FRMPD4: variants seen among roughly 807,000 people sequenced by gnomAD.
The protein encoded by FRMPD4 is FERM and PDZ domain-containing protein 4.
FRMPD4 carries 22 observed loss-of-function variants against 94.1 expected under a neutral mutation model. That is an observed-to-expected ratio of 0.23 (90% CI 0.17 to 0.33). FRMPD4 has a LOEUF of 0.33. Ranked by LOEUF, FRMPD4 falls within the 10% of genes least tolerant of loss-of-function variation. FRMPD4 has a pLI of 1.00. For missense variants in FRMPD4, 1,111 were observed against 1,339.9 expected, an observed-to-expected ratio of 0.83 and a Z score of 2.67; for synonymous variants, 631 against 548.6, an observed-to-expected ratio of 1.15 and a Z score of -2.10.
At chrX:11,910,605 G>A (rs754543099) in intron 3 of FRMPD4, among the ~76,000 whole-genome samples, 4 of 111,428 alleles carry the variant, frequency 3.6e-5, no homozygotes, top group Admixed American at 1.9e-4. Flanking sequence ...TAATAGGGAT[G>A]GGGTTTCACC....
At chrX:12,500,531 CT>C (rs1353075682) in intron 2 of FRMPD4, among the ~76,000 whole-genome samples, 3 of 110,814 alleles carry the variant, frequency 2.7e-5, no homozygotes, top group Non-Finnish European at 3.8e-5. Flanking sequence ...AGCACAGTTT[CT>C]TTCTGACGTA....
intron 3 of FRMPD4, among the ~76,000 whole-genome samples, chrX:11,916,372 A>C (rs5933929): frequency 0.38 from 41,653 of 109,787 alleles, 5,767 homozygotes; most frequent in East Asian, 0.69. Context: ...TGACCATATC[A>C]AAGATAACTA....
intron 1 of FRMPD4, among the ~76,000 whole-genome samples, chrX:12,464,185 G>A (rs2057425482): frequency 9.0e-6 from 1 of 111,576 alleles, no homozygotes; most frequent in Non-Finnish European, 1.9e-5. Context: ...TTTCCCAGGA[G>A]CCCACCTGGA....
intron 1 of FRMPD4, among the ~76,000 whole-genome samples, chrX:12,289,475 C>T (rs1345156181): frequency 8.9e-6 from 1 of 112,118 alleles, no homozygotes; most frequent in African/African-American, 3.2e-5. Flanking sequence ...TCAAGATGCA[C>T]AGATAGCTAG....
chrX:11,911,979 G>T (rs920611471), intron 3 of FRMPD4, among the ~76,000 whole-genome samples: 1 of 111,733 alleles, frequency 8.9e-6, no homozygotes, highest in African/African-American at 3.3e-5. Flanking sequence ...GGCTCTGTTT[G>T]TGGGTTTAAT....
intron 4 of FRMPD4, among the ~76,000 whole-genome samples, chrX:12,646,710 T>C (rs746970221): frequency 6.2e-5 from 7 of 112,394 alleles, no homozygotes; most frequent in Non-Finnish European, 1.1e-4. Flanking sequence ...GCAAACATTG[T>C]CTTCGAATTG....
At chrX:12,055,004 A>G (rs1323761604) in intron 3 of FRMPD4, 1 of 112,045 alleles carries the variant, frequency 8.9e-6, no homozygotes, top group Non-Finnish European at 1.9e-5. Flanking sequence ...GATGTTTCCA[A>G]TGATAAGTAT....
At chrX:12,176,812 T>TA (rs1369979671) in intron 1 of FRMPD4, among the ~76,000 whole-genome samples, 1 of 112,161 alleles carries the variant, frequency 8.9e-6, no homozygotes, top group Non-Finnish European at 1.9e-5. Context: ...AAGTCTAGTA[T>TA]TAGTGGAAAA....
intron 1 of FRMPD4, among the ~76,000 whole-genome samples, chrX:12,196,314 G>A (rs1228629271): frequency 8.9e-6 from 1 of 111,761 alleles, no homozygotes; most frequent in Non-Finnish European, 1.9e-5. Flanking sequence ...GATTGCTTCA[G>A]TCCCTACTGC....
chrX:12,543,839 A>G (rs924051323), intron 2 of FRMPD4, among the ~76,000 whole-genome samples: 1 of 109,430 alleles, frequency 9.1e-6, no homozygotes, highest in South Asian at 4.0e-4. Context: ...AACCAACCCA[A>G]ATGTCCAACA....
chrX:12,465,747 C>T (rs757669791), intron 1 of FRMPD4, among the ~76,000 whole-genome samples: 2 of 111,954 alleles, frequency 1.8e-5, no homozygotes, highest in African/African-American at 3.2e-5. Context: ...ATGCAGTGCC[C>T]AGAATGCATG....
At chrX:12,001,052 G>T (rs1228109304) in intron 3 of FRMPD4, among the ~76,000 whole-genome samples, 1 of 111,799 alleles carries the variant, frequency 8.9e-6, no homozygotes, top group Non-Finnish European at 1.9e-5. Flanking sequence ...TGCTGTTCTG[G>T]TCTCTATTGA....
chrX:12,222,179 A>C (rs1006779538), intron 1 of FRMPD4, among the ~76,000 whole-genome samples: 3 of 111,569 alleles, frequency 2.7e-5, no homozygotes, highest in African/African-American at 6.6e-5. Context: ...CAAAAAATAA[A>C]AAAGGAAAGA....
chrX:11,905,329 C>A (rs772831256), intron 3 of FRMPD4, among the ~76,000 whole-genome samples: 1 of 111,711 alleles, frequency 9.0e-6, no homozygotes, highest in Non-Finnish European at 1.9e-5. Context: ...AAACCTAAGA[C>A]AAAATGCTGA....
intron 4 of FRMPD4, among the ~76,000 whole-genome samples, chrX:12,654,348 G>A (rs139994359): frequency 1.8e-5 from 2 of 111,322 alleles, no homozygotes; most frequent in Non-Finnish European, 3.8e-5. Flanking sequence ...CTTATAGGTA[G>A]GTAGTGCTCA....
At chrX:12,330,916 G>A (rs977900559) in intron 1 of FRMPD4, among the ~76,000 whole-genome samples, 3 of 111,866 alleles carry the variant, frequency 2.7e-5, no homozygotes, top group African/African-American at 6.5e-5. Flanking sequence ...ATGGCTAGGA[G>A]CAGAACTAAT....
chrX:11,869,876 C>A (rs918674094), intron 2 of FRMPD4, among the ~76,000 whole-genome samples: 3 of 111,228 alleles, frequency 2.7e-5, no homozygotes, highest in African/African-American at 9.8e-5. Context: ...ATCATTTGAT[C>A]TGCAAAAATT....
At chrX:12,422,193 C>A (rs1300594715) in intron 1 of FRMPD4, among the ~76,000 whole-genome samples, 2 of 111,943 alleles carry the variant, frequency 1.8e-5, no homozygotes, top group African/African-American at 6.5e-5. Context: ...TGGTACATTT[C>A]CCTTGAAGGA....
intron 3 of FRMPD4, among the ~76,000 whole-genome samples, chrX:11,914,948 T>G (rs188419677): frequency 8.9e-6 from 1 of 112,248 alleles, no homozygotes; most frequent in African/African-American, 3.2e-5. Context: ...TAATGTAACT[T>G]CTTGATACAG....
Sources: allele counts gnomAD v4.1 joint callset (sites outside exome capture counted in the v4.1 genomes callset), GRCh38; gene constraint gnomAD v4.1.1; transcripts MANE v1.5; gene names NCBI Gene and HGNC (gene_info 2026-07-23, HGNC 2026-07-21).